Variants in TTC27 observed in about 807,000 individuals in gnomAD.
The protein encoded by TTC27 is tetratricopeptide repeat protein 27.
TTC27 carries 79 observed loss-of-function variants against 115.9 expected under a neutral mutation model. That is an observed-to-expected ratio of 0.68 (90% CI 0.57 to 0.82). The LOEUF (loss-of-function observed/expected upper bound fraction) is 0.82, where lower values mean the gene tolerates loss of function less well. TTC27 is among the 40% of genes least tolerant of loss of function. The pLI is 0.00. For missense variants in TTC27, 1,054 were observed against 993.1 expected, an observed-to-expected ratio of 1.06 and a Z score of -0.82; for synonymous variants, 401 against 356.0, an observed-to-expected ratio of 1.13 and a Z score of -1.42.
intron 15 of TTC27, among the ~76,000 whole-genome samples, chr2:32,785,830 G>A (rs902374442): frequency 1.3e-5 from 2 of 152,132 alleles, no homozygotes; most frequent in African/African-American, 4.8e-5. Context: ...TTCTGACCTT[G>A]TGATCCACCA....
At chr2:32,800,153 G>A (rs1670871986) in intron 16 of TTC27, among the ~76,000 whole-genome samples, 1 of 152,178 alleles carries the variant, frequency 6.6e-6, no homozygotes, top group African/African-American at 2.4e-5. Context: ...AAAGGGCGGG[G>A]AACAGTACCT....
rs1431178932 is a variant in TTC27 at position 32,683,822 on chromosome 2, G to A, written c.1119+4900G>A. Among the ~76,000 whole-genome samples, 9 of 152,222 alleles carry A rather than the reference G, an allele frequency of 5.9e-5. No homozygotes were observed. In the East Asian group the frequency reaches 1.4e-3, roughly 23 times the overall value. The stretch of plus-strand genomic sequence containing the variant: ...CCTTTTATTGTTGAAAATGGGAACA[G>A]TTTAGTTAATTCATACAGGTTTTTC... On this transcript the variant is annotated intron_variant, in intron 9 of 19. Coordinates refer to ENST00000317907, the MANE Select transcript of TTC27 (RefSeq NM_017735.5).
intron 14 of TTC27, 50 bp from the exon 15 acceptor site, chr2:32,782,576 A>T (rs764212194): frequency 6.4e-7 from 1 of 1,562,296 alleles, no homozygotes; most frequent in Non-Finnish European, 8.8e-7. Flanking sequence ...TTAAGCAATA[A>T]TTTTACCTAA....
chr2:32,719,701 T>C (rs1163066891), intron 10 of TTC27, among the ~76,000 whole-genome samples: 2 of 152,184 alleles, frequency 1.3e-5, no homozygotes, highest in Non-Finnish European at 2.9e-5. Flanking sequence ...TTAGTTACTC[T>C]AAGCTGGAGA....
chr2:32,673,570 G>A (rs1666090276), intron 8 of TTC27, among the ~76,000 whole-genome samples: 1 of 152,126 alleles, frequency 6.6e-6, no homozygotes, highest in Non-Finnish European at 1.5e-5. Flanking sequence ...ATGAAGTTTT[G>A]TTATTCTCAT....
intron 10 of TTC27, among the ~76,000 whole-genome samples, chr2:32,727,966 C>T (rs1343242781): frequency 6.6e-6 from 1 of 151,338 alleles, no homozygotes; most frequent in Non-Finnish European, 1.5e-5. Context: ...GGTTGAACTG[C>T]TCACCCAAAG....
intron 16 of TTC27, among the ~76,000 whole-genome samples, chr2:32,805,220 A>C (rs1671088271): frequency 6.6e-6 from 1 of 152,178 alleles, no homozygotes; most frequent in Admixed American, 6.5e-5. Flanking sequence ...AATGCACATA[A>C]AAATAGCATC....
rs116429190 is a variant in TTC27, at chr2:32,741,900, T to C, written c.1452+5084T>C. ...TCTCTCCAAAAACAAATTATGAGATTCCCCCACTCCCATTTGAACCTTCTA... is the reference window on the plus strand; with the variant it reads ...TCTCTCCAAAAACAAATTATGAGATCCCCCCACTCCCATTTGAACCTTCTA... On this transcript the variant is annotated intron_variant, in intron 12 of 19. Transcript: ENST00000317907. Among the ~76,000 whole-genome samples the C allele has an allele frequency of 9.2e-3, 1,397 of 152,180 alleles. 12 individuals are homozygous for C. Among genetic ancestry groups the C allele is most frequent in the Middle Eastern group, 0.024 (7 of 294 alleles).
At chr2:32,635,883 C>A (rs1664405819) in intron 3 of TTC27, among the ~76,000 whole-genome samples, 1 of 152,064 alleles carries the variant, frequency 6.6e-6, no homozygotes, top group Non-Finnish European at 1.5e-5. Flanking sequence ...TAATTTTAAT[C>A]CATAATGCTG....
chr2:32,803,356 C>T (rs1244385680), intron 16 of TTC27, among the ~76,000 whole-genome samples: 1 of 152,236 alleles, frequency 6.6e-6, no homozygotes, highest in Non-Finnish European at 1.5e-5. Flanking sequence ...CTGCCTTGCA[C>T]TGGGCTGGCA....
chr2:32,685,517 A>G (rs904145551), intron 9 of TTC27, among the ~76,000 whole-genome samples: 1 of 152,226 alleles, frequency 6.6e-6, no homozygotes, highest in Non-Finnish European at 1.5e-5. Context: ...TGAAACAGTA[A>G]TGTATAAAAA....
At chr2:32,653,071 C>T (rs1665189342) in intron 5 of TTC27, among the ~76,000 whole-genome samples, 1 of 152,154 alleles carries the variant, frequency 6.6e-6, no homozygotes, top group Admixed American at 6.6e-5. Flanking sequence ...TAAATGAAAG[C>T]ATGCTTCTCT....
chr2:32,809,347 C>T (rs1397627614), intron 16 of TTC27, among the ~76,000 whole-genome samples: 1 of 152,248 alleles, frequency 6.6e-6, no homozygotes, highest in Non-Finnish European at 1.5e-5. Context: ...ATATTAAACA[C>T]TGGTGATACA....
chr2:32,738,303 A>G (rs140668868), intron 12 of TTC27, among the ~76,000 whole-genome samples: 4 of 152,358 alleles, frequency 2.6e-5, no homozygotes, highest in Non-Finnish European at 5.9e-5. Context: ...CTCATCTGGA[A>G]GCACTTAATC....
intron 12 of TTC27, among the ~76,000 whole-genome samples, chr2:32,747,869 T>G (rs1668881874): frequency 6.6e-6 from 1 of 152,134 alleles, no homozygotes; most frequent in Non-Finnish European, 1.5e-5. Flanking sequence ...TAGTAATGTC[T>G]CCTTTTCTTT....
chr2:32,647,380 G>A (rs1405343728), intron 4 of TTC27, among the ~76,000 whole-genome samples: 2 of 152,138 alleles, frequency 1.3e-5, no homozygotes, highest in African/African-American at 2.4e-5. Context: ...TAATTGAGAT[G>A]TAAACTGACT....
intron 9 of TTC27, among the ~76,000 whole-genome samples, chr2:32,692,520 C>T (rs1388591351): frequency 6.6e-6 from 1 of 151,994 alleles, no homozygotes; most frequent in Non-Finnish European, 1.5e-5. Flanking sequence ...CTTAACATTA[C>T]TGAACTGTGT....
At chr2:32,672,946 A>C (rs548296647) in intron 8 of TTC27, among the ~76,000 whole-genome samples, 1 of 152,328 alleles carries the variant, frequency 6.6e-6, no homozygotes, top group East Asian at 1.9e-4. Flanking sequence ...CAAAATCAGA[A>C]AATTAATGTT....
intron 13 of TTC27, among the ~76,000 whole-genome samples, chr2:32,772,178 C>G (rs1240310780): frequency 6.6e-6 from 1 of 152,122 alleles, no homozygotes; most frequent in African/African-American, 2.4e-5. Context: ...GGGTAGCAAA[C>G]TTTAATTTTT....
Sources: allele counts gnomAD v4.1 joint callset (sites outside exome capture counted in the v4.1 genomes callset), GRCh38; gene constraint gnomAD v4.1.1; transcripts MANE v1.5; gene names NCBI Gene and HGNC (gene_info 2026-07-23, HGNC 2026-07-21).